Variants in PSMG4 observed in about 807,000 individuals in gnomAD.
PSMG4 encodes proteasome (prosome, macropain) assembly chaperone 4.
A neutral mutation model predicts 11.0 loss-of-function variants in PSMG4; 10 were observed. The observed-to-expected ratio is 0.91, with a 90% CI of 0.56 to 1.54. The LOEUF (loss-of-function observed/expected upper bound fraction) is 1.54, where lower values mean the gene tolerates loss of function less well. PSMG4 is among the 40% of genes most tolerant of loss of function. The pLI, the probability that PSMG4 is intolerant of heterozygous loss-of-function variation, is 0.00. For synonymous variants in PSMG4, 95 were observed against 71.3 expected, an observed-to-expected ratio of 1.33 and a Z score of -1.68; for missense variants, 198 against 160.9, an observed-to-expected ratio of 1.23 and a Z score of -1.25.
chr6:3,255,005 C>T (rs1757703197), upstream of PSMG4: 16 of 1,542,264 alleles, frequency 1.0e-5, no homozygotes, highest in Non-Finnish European at 1.2e-5. Flanking sequence ...AGCGCACTCC[C>T]ATGTGGGAGC....
chr6:3,260,291 A>ATATATATATATATATATTTTT, intron 1 of PSMG4, among the ~76,000 whole-genome samples: 1 of 70,864 alleles, frequency 1.4e-5, no homozygotes, highest in African/African-American at 5.4e-5. Context: ...ATATATATAT[A>ATATATATATATATATATTTTT]TTTTTTTTTT....
At chr6:3,265,211 A>G (rs1293184515) in intron 2 of PSMG4, 19 of 152,190 alleles carry the variant, frequency 1.2e-4, no homozygotes, top group Admixed American at 1.2e-3. Flanking sequence ...CAGAGCTCGG[A>G]CCAAGAAGGT....
At chr6:3,258,353 G>A (rs1243953171), upstream of PSMG4, among the ~76,000 whole-genome samples, 1 of 152,184 alleles carries the variant, frequency 6.6e-6, no homozygotes, top group Non-Finnish European at 1.5e-5. Context: ...CGTCCAAAAG[G>A]GTGCCTGCCC....
chr6:3,260,283 A>ATTTT (rs1561840875), intron 1 of PSMG4, among the ~76,000 whole-genome samples: 2 of 30,220 alleles, frequency 6.6e-5, no homozygotes, highest in African/African-American at 1.3e-4. Context: ...AATTGTATAT[A>ATTTT]TATATATATT....
At chr6:3,260,556 C>CAA (rs537542615) in intron 1 of PSMG4, among the ~76,000 whole-genome samples, 133 of 152,138 alleles carry the variant, frequency 8.7e-4, no homozygotes, top group African/African-American at 3.1e-3. Context: ...CAAAGGCAAG[C>CAA]AAGTCCCTTT....
chr6:3,254,723 A>G (rs1757685527), upstream of PSMG4, among the ~76,000 whole-genome samples: 1 of 152,158 alleles, frequency 6.6e-6, no homozygotes, highest in South Asian at 2.1e-4. Context: ...GGACACCAGA[A>G]AAAACAAACT....
At chr6:3,264,596 G>A in intron 2 of PSMG4, 1 of 398,272 alleles carries the variant, frequency 2.5e-6, no homozygotes, top group East Asian at 4.5e-5. Context: ...GCCCATGACA[G>A]TATGTGGATA....
At chr6:3,259,583 A>T (rs1257639441) in intron 1 of PSMG4, among the ~76,000 whole-genome samples, 1 of 152,182 alleles carries the variant, frequency 6.6e-6, no homozygotes, top group East Asian at 1.9e-4. Flanking sequence ...TGTCTCAGGC[A>T]TTTCGCACTA....
At chr6:3,262,229 A>G (rs1285709039) in intron 1 of PSMG4, among the ~76,000 whole-genome samples, 11 of 152,204 alleles carry the variant, frequency 7.2e-5, no homozygotes, top group African/African-American at 2.7e-4. Context: ...CTCCCTGGGC[A>G]TCTGCTGGGA....
At chr6:3,254,422 G>C (rs569418441), upstream of PSMG4, among the ~76,000 whole-genome samples, 2 of 149,724 alleles carry the variant, frequency 1.3e-5, no homozygotes, top group Non-Finnish European at 1.5e-5. Flanking sequence ...ATCTGAGGAG[G>C]TATGGCTTTG....
At chr6:3,265,167 G>A (rs575710840) in intron 2 of PSMG4, 5 of 152,342 alleles carry the variant, frequency 3.3e-5, no homozygotes, top group East Asian at 3.9e-4. Context: ...CGGGTGTGCC[G>A]TGGCTTCCGG....
At chr6:3,264,668 C>G (rs774245108) in intron 2 of PSMG4, 1 of 197,852 alleles carries the variant, frequency 5.1e-6, no homozygotes, top group Non-Finnish European at 1.0e-5. Flanking sequence ...CTTTTTCCCT[C>G]CCTTGGAGGT....
intron 1 of PSMG4, among the ~76,000 whole-genome samples, chr6:3,260,943 G>A (rs1018212358): frequency 3.3e-5 from 5 of 152,184 alleles, no homozygotes; most frequent in African/African-American, 9.7e-5. Context: ...CCTCCCAGCC[G>A]CATTAGCTCC....
chr6:3,254,738 C>G (rs371731712), upstream of PSMG4, among the ~76,000 whole-genome samples: 2 of 152,072 alleles, frequency 1.3e-5, no homozygotes, highest in African/African-American at 4.8e-5. Flanking sequence ...CAAACTCCCC[C>G]TGTGCCTCTT....
At chr6:3,260,470 G>GA (rs1757948196) in intron 1 of PSMG4, among the ~76,000 whole-genome samples, 1 of 151,690 alleles carries the variant, frequency 6.6e-6, no homozygotes, top group Non-Finnish European at 1.5e-5. Flanking sequence ...TGTAGTTTCA[G>GA]TAGAGCTGAG....
At chr6:3,256,200 C>A (rs1405835290), upstream of PSMG4, among the ~76,000 whole-genome samples, 1 of 152,184 alleles carries the variant, frequency 6.6e-6, no homozygotes, top group African/African-American at 2.4e-5. Context: ...CTAGAAGCTT[C>A]CACTTGGTTT....
intron 1 of PSMG4, among the ~76,000 whole-genome samples, chr6:3,260,253 T>G (rs1757927963): frequency 6.8e-6 from 1 of 147,120 alleles, no homozygotes; most frequent in East Asian, 2.0e-4. Flanking sequence ...CCCATCCTAC[T>G]CCAGTATAAC....
Position 3,259,078 on chromosome 6 carries a change from C to G in PSMG4, c.56C>G (p.Ala19Gly). The G allele has an allele frequency of 7.9e-7, 1 of 1,270,734 alleles. No individual in the cohort carries two copies. The highest frequency in any genetic ancestry group is 9.9e-7 in the Non-Finnish European group (1 of 1,006,334). The allele number at this position is 1,270,734 out of a possible 1,614,324, so 78.7% of individuals were successfully genotyped here. Reference sequence around the variant, plus strand: ...GACGTCTCCCTGCACAACTTCAGCGCGAGGCTGTGGGAGCAGCTGGTCCAC... The same window carrying G: ...GACGTCTCCCTGCACAACTTCAGCGGGAGGCTGTGGGAGCAGCTGGTCCAC... ...GGDVSLHNFS[A>G]RLWEQLVHFH... Residue 19 changes from alanine to glycine, a missense_variant, in exon 1 of 3, where the codon GCG becomes GGG. Ala to Gly is a moderately conservative substitution (Grantham distance 60). Transcript: ENST00000438998.
rs183253888 is a variant in PSMG4 at position 3,261,998 on chromosome 6, C to T, written c.175-1686C>T. On this transcript the variant is annotated intron_variant, in intron 1 of 2. Coordinates refer to ENST00000438998, the MANE Select transcript of PSMG4 (RefSeq NM_001128591.2). ...TCCCTCCAGCTTCCCTAAACTCCCA[C>T]ATGTGAGACTGTAGAGAACAGACAC... Among the ~76,000 whole-genome samples, 4 of 152,368 alleles carry T rather than the reference C, an allele frequency of 2.6e-5. No individual in the cohort carries two copies. The East Asian group carries it at 7.7e-4, about 29-fold the overall frequency.
Sources: gnomAD v4.1 joint callset for allele counts (sites outside exome capture counted in the v4.1 genomes callset) on GRCh38, gnomAD v4.1.1 for gene constraint, MANE v1.5 for transcripts, NCBI Gene and HGNC (gene_info 2026-07-23, HGNC 2026-07-21) for gene names.